The following SERPINC1 variants were observed in gnomAD, a reference collection of about 807,000 sequenced individuals.
SERPINC1 encodes serpin family C member 1.
Under a neutral mutation model 43.4 loss-of-function variants are expected in SERPINC1, and 12 were observed. The observed-to-expected ratio is 0.28, with a 90% confidence interval of 0.18 to 0.45. SERPINC1 has a LOEUF of 0.45. Ranked by LOEUF, SERPINC1 falls within the 20% of genes least tolerant of loss-of-function variation. The pLI is 1.00. For missense variants in SERPINC1, 423 were observed against 578.8 expected (o/e 0.73, Z 2.76); for synonymous variants, 210 against 218.9 (o/e 0.96, Z 0.36).
chr1:173,909,464 G>C, intron 5 of SERPINC1, 88 bp downstream of exon 5: 1 of 1,394,212 alleles, frequency 7.2e-7, no homozygotes, highest in Non-Finnish European at 1.0e-6. Flanking sequence ...CTGACTTGTT[G>C]CTCCTTTCTA....
At chr1:173,907,912 T>C (rs1407273652) in intron 5 of SERPINC1, among the ~76,000 whole-genome samples, 4 of 150,616 alleles carry the variant, frequency 2.7e-5, no homozygotes, top group Non-Finnish European at 5.9e-5. Flanking sequence ...ACTCGGGAGG[T>C]GGAGGTTGCA....
At position 173,911,870 on chromosome 1, in the gene SERPINC1, T is replaced by C. The variant is rs574547491; in HGVS notation, c.553A>G (p.Thr185Ala). 145 of 1,614,160 alleles carry C rather than the reference T, an allele frequency of 9.0e-5. 2 individuals are homozygous for C. In the South Asian group the frequency reaches 1.6e-3, roughly 17 times the overall value. Reference protein sequence around the residue: ...ANRLFGDKSLTFNETYQDISE... With the variant: ...ANRLFGDKSLAFNETYQDISE... Reference sequence around the variant, plus strand: ...ATGTCCTGGTAGGTCTCATTGAAGGTAAGGGATTTGTCTCCAAAAAGGCGA... The same window carrying C: ...ATGTCCTGGTAGGTCTCATTGAAGGCAAGGGATTTGTCTCCAAAAAGGCGA... The change falls in exon 3 of 7, where the codon ACC becomes GCC. Residue 185 changes from threonine to alanine, a missense_variant. Coordinates refer to ENST00000367698, the MANE Select transcript of SERPINC1 (RefSeq NM_000488.4).
intron 6 of SERPINC1, among the ~76,000 whole-genome samples, chr1:173,904,674 C>T (rs1657414855): frequency 6.6e-6 from 1 of 152,162 alleles, no homozygotes; most frequent in South Asian, 2.1e-4. Flanking sequence ...TCTGTTTCTG[C>T]TCTTAATGAA....
chr1:173,910,462 T>C (rs1468713962), intron 4 of SERPINC1, among the ~76,000 whole-genome samples: 1 of 152,016 alleles, frequency 6.6e-6, no homozygotes, highest in East Asian at 1.9e-4. Flanking sequence ...GTGCCTGTAT[T>C]CCCAGCTACT....
At chr1:173,912,694 G>C (rs1006390100) in intron 2 of SERPINC1, among the ~76,000 whole-genome samples, 1 of 152,116 alleles carries the variant, frequency 6.6e-6, no homozygotes, top group Non-Finnish European at 1.5e-5. Flanking sequence ...CTTTTTTTAG[G>C]GGGGGATTAT....
rs143521873 is a variant in SERPINC1 at position 173,911,894 on chromosome 1, G to A, written c.529C>T (p.Arg177Cys). The change falls in exon 3 of 7, where the codon CGC becomes TGC. Residue 177 changes from arginine (R) to cysteine (C), a missense_variant. Physicochemically the swap from Arg to Cys is radical, Grantham distance 180. Coordinates refer to ENST00000367698, the MANE Select transcript of SERPINC1 (RefSeq NM_000488.4). ...GTAAGGGATTTGTCTCCAAAAAGGC[G>A]ATTGGCTGATACTAACTTGGAGGAT... ...NKSSKLVSAN[R>C]LFGDKSLTFN... 1.0e-4 allele frequency: 168 copies of A among 1,614,060 alleles called. No individual in the cohort carries two copies. In the African/African-American group the frequency reaches 1.8e-3, roughly 17 times the overall value.
rs1301351856 is a variant in SERPINC1 at position 173,903,973 on chromosome 1, G to C, written c.1311C>G (p.Asn437Lys). The change falls in exon 7 of 7, where the codon AAC becomes AAG. Residue 437 changes from asparagine (N) to lysine (K), a missense_variant. Asn to Lys is a moderately conservative substitution (Grantham distance 94). Coordinates refer to ENST00000367698, the MANE Select transcript of SERPINC1 (RefSeq NM_000488.4). ...LNPNRVTFKANRPFLVFIREV... is the reference protein window; with the variant it reads ...LNPNRVTFKAKRPFLVFIREV... ...CTCTTATAAAAACCAGGAAAGGCCT[G>C]TTGGCCTTGAAAGTCACCCTGTTGG... The C allele has an allele frequency of 2.5e-6, 4 of 1,613,926 alleles. No homozygotes were observed. The highest frequency in any genetic ancestry group is 2.2e-5 in the East Asian group (1 of 44,886).
At chr1:173,906,375 T>G (rs929743315) in intron 6 of SERPINC1, among the ~76,000 whole-genome samples, 4 of 152,254 alleles carry the variant, frequency 2.6e-5, no homozygotes, top group Non-Finnish European at 2.9e-5. Context: ...TTCAACCGTC[T>G]TCTTTACTGT....
Sources: allele counts gnomAD v4.1 joint callset (sites outside exome capture counted in the v4.1 genomes callset), GRCh38; gene constraint gnomAD v4.1.1; transcripts MANE v1.5; gene names NCBI Gene and HGNC (gene_info 2026-07-23, HGNC 2026-07-21).